TTLL5: variants seen among roughly 807,000 people sequenced by gnomAD.
TTLL5 encodes the protein tubulin polyglutamylase TTLL5.
Under a neutral mutation model 168.4 loss-of-function variants are expected in TTLL5, and 132 were observed. The observed-to-expected ratio is 0.78, with a 90% confidence interval of 0.68 to 0.91. The LOEUF (loss-of-function observed/expected upper bound fraction) is 0.91, where lower values mean the gene tolerates loss of function less well. Ranked by LOEUF, TTLL5 falls within the 40% of genes least tolerant of loss-of-function variation. The probability of loss-of-function intolerance (pLI) is 0.00; values close to 1 mark genes in which losing one functional copy is unlikely to be tolerated. For missense variants in TTLL5, 1,545 were observed against 1,581.5 expected (o/e 0.98, Z 0.39); for synonymous variants, 546 against 558.6 (o/e 0.98, Z 0.32).
intron 9 of TTLL5, chr14:75,712,064 C>CA (rs1162676447): frequency 6.6e-6 from 1 of 152,304 alleles, no homozygotes; most frequent in African/African-American, 2.4e-5. Context: ...GCTCTAAAGA[C>CA]AAGGGATCAG....
At chr14:75,728,562 T>C (rs1241351889) in intron 12 of TTLL5, among the ~76,000 whole-genome samples, 1 of 151,996 alleles carries the variant, frequency 6.6e-6, no homozygotes, top group Non-Finnish European at 1.5e-5. Flanking sequence ...CAAGGGCTAT[T>C]TTGTTGAGTG....
chr14:75,722,716 A>G (rs1021907131), intron 12 of TTLL5, among the ~76,000 whole-genome samples: 2 of 151,646 alleles, frequency 1.3e-5, no homozygotes, highest in Admixed American at 6.6e-5. Context: ...GCGCAATCGT[A>G]TTTAGCTCAC....
At chr14:75,922,840 C>T (rs996571127) in intron 31 of TTLL5, among the ~76,000 whole-genome samples, 1 of 152,140 alleles carries the variant, frequency 6.6e-6, no homozygotes, top group Non-Finnish European at 1.5e-5. Flanking sequence ...TAGAATTCGG[C>T]TGTGAGTCCG....
intron 12 of TTLL5, among the ~76,000 whole-genome samples, chr14:75,721,204 C>G (rs549419920): frequency 6.6e-6 from 1 of 152,146 alleles, no homozygotes; most frequent in South Asian, 2.1e-4. Flanking sequence ...TTCTCTTCCT[C>G]TTCTCCTCCC....
In TTLL5 at chr14:75,756,988, G is replaced by T. The variant is rs200400781; in HGVS notation, c.1550+4033G>T. Among the ~76,000 whole-genome samples the T allele has an allele frequency of 3.0e-5, 4 of 133,408 alleles. No individual in the cohort carries two copies. In the Admixed American group the frequency reaches 3.1e-4, roughly 10 times the overall value. The allele number at this position is 133,408 out of a possible 152,430, so 87.5% of individuals were successfully genotyped here. ...TTGTTGTTGTTGTTGTTGTTGTTTT[G>T]TTTTTTTTGAGAGGAGTCTCGCTCT... On this transcript the variant is annotated intron_variant, in intron 18 of 31. Coordinates refer to ENST00000298832, the MANE Select transcript of TTLL5 (RefSeq NM_015072.5).
At position 75,756,572 on chromosome 14, in the gene TTLL5, A is replaced by G. The variant is rs538208471; in HGVS notation, c.1550+3617A>G. Among the ~76,000 whole-genome samples, 349 of 151,606 alleles carry G rather than the reference A, an allele frequency of 2.3e-3. 1 individual carries two copies. The highest frequency in any genetic ancestry group is 8.2e-3 in the African/African-American group (337 of 41,286). On this transcript the variant is annotated intron_variant, in intron 18 of 31. Coordinates refer to ENST00000298832, the MANE Select transcript of TTLL5 (RefSeq NM_015072.5). ...GCCCAGGCTGGAGTGCAGTGGCGCA[A>G]TCTCGGCTCACTGCAACCTCCTCCT...
rs979858146 is a variant in TTLL5 at position 75,746,001 on chromosome 14, C to A, written c.1487+420C>A. ...TGGCAACAATAGGCACCAGTTTAAC[C>A]ACTGCTACTGCCACAATGAAGATAT... On this transcript the variant is annotated intron_variant, in intron 17 of 31. Transcript: ENST00000298832. Among the ~76,000 whole-genome samples, 3 of 152,212 alleles carry A rather than the reference C, an allele frequency of 2.0e-5. No homozygotes were observed. In the East Asian group the frequency reaches 5.8e-4, roughly 29 times the overall value.
intron 31 of TTLL5, among the ~76,000 whole-genome samples, chr14:75,913,926 A>G (rs755363953): frequency 2.0e-5 from 3 of 150,170 alleles, no homozygotes; most frequent in Non-Finnish European, 4.4e-5. Flanking sequence ...AGGCAGAAGA[A>G]TTGCTTCAGT....
intron 24 of TTLL5, among the ~76,000 whole-genome samples, chr14:75,780,590 A>G (rs1376917615): frequency 2.6e-5 from 4 of 152,224 alleles, no homozygotes; most frequent in Admixed American, 6.5e-5. Context: ...TCAGTGTGCT[A>G]AGTACTAGAT....
intron 31 of TTLL5, among the ~76,000 whole-genome samples, chr14:75,949,103 C>A (rs1170359234): frequency 6.6e-6 from 1 of 151,978 alleles, no homozygotes; most frequent in East Asian, 1.9e-4. Flanking sequence ...TCTCAGATAA[C>A]ATATTTGATT....
chr14:75,849,323 CT>C (rs1896723920), intron 28 of TTLL5, among the ~76,000 whole-genome samples: 1 of 152,094 alleles, frequency 6.6e-6, no homozygotes, highest in Non-Finnish European at 1.5e-5. Context: ...TATTCTTAAT[CT>C]TTTTCATTGA....
Position 75,882,851 on chromosome 14 carries a change from C to G in TTLL5, c.3689C>G (p.Pro1230Arg). The change falls in exon 30 of 32, where the codon CCA becomes CGA. Residue 1230 changes from proline to arginine, a missense_variant. Pro to Arg is a moderately radical substitution (Grantham distance 103). Coordinates refer to ENST00000298832, the MANE Select transcript of TTLL5 (RefSeq NM_015072.5). ...SSCASLVPKPPPNHEQVLRRA... is the reference protein window; with the variant it reads ...SSCASLVPKPRPNHEQVLRRA... ...TGCGCCTCCCTGGTTCCCAAACCCCCACCCAACCACGAACAAGTGCTCAGA... is the reference window on the plus strand; with the variant it reads ...TGCGCCTCCCTGGTTCCCAAACCCCGACCCAACCACGAACAAGTGCTCAGA... 1 of 1,614,176 alleles carries G rather than the reference C, an allele frequency of 6.2e-7. No individual in the cohort carries two copies. The highest frequency in any genetic ancestry group is 8.5e-7 in the Non-Finnish European group (1 of 1,180,034).
Position 75,765,832 on chromosome 14 carries a change from A to G in TTLL5, c.1709-230A>G, listed in dbSNP as rs191132175. Among the ~76,000 whole-genome samples, 265 of 152,354 alleles carry G rather than the reference A, an allele frequency of 1.7e-3. 5 individuals are homozygous for G. The highest frequency in any genetic ancestry group is 5.9e-3 in the African/African-American group (244 of 41,584). ...AGCCGAGATCCTGCCACTGCCCTCC[A>G]GCCTGGGCAACAGAGCGAGACCCTG... On this transcript the variant is annotated intron_variant, in intron 19 of 31. Transcript: ENST00000298832.
intron 27 of TTLL5, among the ~76,000 whole-genome samples, chr14:75,808,373 G>T (rs925846753): frequency 2.6e-5 from 4 of 152,186 alleles, no homozygotes; most frequent in African/African-American, 9.7e-5. Context: ...CTCTCCTGGT[G>T]ATTGGAGTGT....
chr14:75,733,429 C>T (rs1264245538), intron 13 of TTLL5, among the ~76,000 whole-genome samples: 2 of 151,782 alleles, frequency 1.3e-5, no homozygotes, highest in Non-Finnish European at 2.9e-5. Flanking sequence ...TCCCGCCCAT[C>T]TGGTGAGATT....
At position 75,945,401 on chromosome 14, in the gene TTLL5, T is replaced by G. The variant is rs554500354; in HGVS notation, c.3824-9023T>G. 1.5e-3 allele frequency among the ~76,000 whole-genome samples: 232 copies of G among 151,514 alleles called. 1 individual carries two copies. The highest frequency in any genetic ancestry group is 5.3e-3 in the African/African-American group (219 of 41,336). ...CCTCCTGAGTAGCTGGGACTACAGG[T>G]GCGTGCCACCATGCTCGGCTGATTT... On this transcript the variant is annotated intron_variant, in intron 31 of 31. Transcript: ENST00000298832.
chr14:75,828,742 C>T (rs149543223), intron 28 of TTLL5, among the ~76,000 whole-genome samples: 115 of 152,346 alleles, frequency 7.5e-4, no homozygotes, highest in African/African-American at 2.6e-3. Flanking sequence ...ATCTTACTAG[C>T]TGCTTGAGCC....
chr14:75,906,660 A>G, intron 31 of TTLL5: 2 of 985,914 alleles, frequency 2.0e-6, no homozygotes, highest in South Asian at 4.7e-5. Flanking sequence ...AAGTCGGTGA[A>G]GTCAGGGCCA....
chr14:75,808,442 G>T (rs1893782654), intron 27 of TTLL5, among the ~76,000 whole-genome samples: 2 of 152,156 alleles, frequency 1.3e-5, no homozygotes, highest in South Asian at 4.1e-4. Flanking sequence ...TTGAATTGTG[G>T]CTAGTGATTT....
Sources: gnomAD v4.1 joint callset for allele counts (sites outside exome capture counted in the v4.1 genomes callset) on GRCh38, gnomAD v4.1.1 for gene constraint, MANE v1.5 for transcripts, NCBI Gene and HGNC (gene_info 2026-07-23, HGNC 2026-07-21) for gene names.